The following CCDC27 variants were observed in gnomAD, a reference collection of about 807,000 sequenced individuals.
CCDC27 encodes coiled-coil domain-containing protein 27.
In CCDC27, 80 loss-of-function variants were observed where a neutral mutation model predicts 80.3. The ratio of observed to expected loss-of-function variants is 1.00; its 90% CI spans 0.83 to 1.20. The LOEUF is 1.20. Among genes scored for constraint, CCDC27 ranks in the 50% most tolerant of loss-of-function variants. The probability of loss-of-function intolerance (pLI) is 0.00; values close to 1 mark genes in which losing one functional copy is unlikely to be tolerated. For synonymous variants in CCDC27, 342 were observed against 334.3 expected, an observed-to-expected ratio of 1.02 and a Z score of -0.25; for missense variants, 815 against 809.4, an observed-to-expected ratio of 1.01 and a Z score of -0.08.
rs963821561 is a variant in CCDC27 at position 3,760,464 on chromosome 1, T to C, written c.712-817T>C. 1.5e-4 allele frequency among the ~76,000 whole-genome samples: 23 copies of C among 152,306 alleles called. 2 individuals carry two copies. The highest frequency in any genetic ancestry group is 1.5e-3 in the Admixed American group (23 of 15,286). On this transcript the variant is annotated intron_variant, in intron 4 of 11. Transcript: ENST00000294600. The surrounding 1 kb of genome is among the most constrained non-coding windows in gnomAD (Gnocchi z 4.3). ...TGAACTCTTGAGATAGATACTTGGG[T>C]CATGATTTTCCATTTCCCTCCTGGT...
intron 4 of CCDC27, among the ~76,000 whole-genome samples, chr1:3,758,388 A>G (rs941316907): frequency 6.6e-6 from 1 of 151,600 alleles, no homozygotes; most frequent in African/African-American, 2.4e-5. Flanking sequence ...GGGTTTCACC[A>G]TGTCAGACAG....
rs1343281700 is a variant in CCDC27, at chr1:3,767,414, C to T, written c.1712C>T (p.Thr571Ile). The T allele has an allele frequency of 6.2e-7, 1 of 1,613,336 alleles. No individual in the cohort carries two copies. Among genetic ancestry groups the T allele is most frequent in the Admixed American group, 1.7e-5 (1 of 60,010 alleles). ...ATGATTCAGCAGGCAGAGCAGCACA[C>T]CCGCGTGGCCCTGGAGAGCTCCCAG... The part of the protein sequence containing the change: ...KEMIQQAEQH[T>I]RVALESSQSR... Residue 571 changes from threonine to isoleucine, a missense_variant, in exon 10 of 12, where the codon ACC becomes ATC. Thr to Ile is a moderately conservative substitution (Grantham distance 89, BLOSUM62 -1). Transcript: ENST00000294600.
In CCDC27 at chr1:3,761,212, T is replaced by C; in HGVS notation, c.712-69T>C. The C allele has an allele frequency of 6.4e-7, 1 of 1,565,530 alleles. No individual in the cohort carries two copies. The highest frequency in any genetic ancestry group is 2.3e-5 in the East Asian group (1 of 44,412). On this transcript the variant is annotated intron_variant, in intron 4 of 11. Coordinates refer to ENST00000294600, the MANE Select transcript of CCDC27 (RefSeq NM_152492.3). The surrounding 1 kb of genome is among the most constrained non-coding windows in gnomAD (Gnocchi z 5.0). ...GCAGATCTGCTCCTCCTGGGTGGGC[T>C]GGAGGCAGGTCAGGGGAAGAGTGTG...
chr1:3,759,847 G>C (rs547870072), intron 4 of CCDC27, among the ~76,000 whole-genome samples: 1 of 152,192 alleles, frequency 6.6e-6, no homozygotes, highest in Non-Finnish European at 1.5e-5. Flanking sequence ...CATTAGCCAA[G>C]AGTCAGGCAG....
At chr1:3,770,536 C>T (rs534875738) in intron 11 of CCDC27, among the ~76,000 whole-genome samples, 21 of 152,256 alleles carry the variant, frequency 1.4e-4, no homozygotes, top group Non-Finnish European at 2.9e-4. Flanking sequence ...GCTCTGGGAG[C>T]CGGGCACCGG....
At position 3,763,713 on chromosome 1, in the gene CCDC27, T is replaced by C; in HGVS notation, c.1329T>C (p.Ile443=). 1.2e-6 allele frequency: 2 copies of C among 1,614,108 alleles called. No homozygotes were observed. The highest frequency in any genetic ancestry group is 1.7e-6 in the Non-Finnish European group (2 of 1,179,990). The change falls in exon 8 of 12, where the codon ATT becomes ATC. Residue 443 remains isoleucine, a synonymous_variant. Transcript: ENST00000294600. This position sits in a 1 kb window ranked among gnomAD's most constrained non-coding sequence, Gnocchi z 7.5. ...RTRYSLATGV[I]ASLQQQVDFQ... is the part of the protein sequence containing the mutation. ...CTCTGCCTCTGTGCCCAGGAGTGAT[T>C]GCGTCTTTACAACAACAAGTGGATT...
chr1:3,753,802 C>CG (rs1190982150), intron 1 of CCDC27, among the ~76,000 whole-genome samples: 2 of 151,916 alleles, frequency 1.3e-5, no homozygotes, highest in Non-Finnish European at 2.9e-5. Context: ...TGGGTGGGGT[C>CG]GGGGGGCCTG....
intron 6 of CCDC27, 40 bp downstream of exon 6, chr1:3,762,752 C>T (rs373335569): frequency 4.9e-5 from 74 of 1,522,136 alleles, no homozygotes; most frequent in Non-Finnish European, 6.0e-5. Context: ...GTGGGGGACC[C>T]GGGCCCAGGA....
At chr1:3,767,981 C>A (rs1374589715) in intron 10 of CCDC27, among the ~76,000 whole-genome samples, 1 of 152,088 alleles carries the variant, frequency 6.6e-6, no homozygotes, top group South Asian at 2.1e-4. Flanking sequence ...ATTTGGCAGT[C>A]TCAACTGCAG....
At chr1:3,762,374 C>A (rs1643109212) in intron 5 of CCDC27, among the ~76,000 whole-genome samples, 1 of 152,190 alleles carries the variant, frequency 6.6e-6, no homozygotes, top group South Asian at 2.1e-4. Context: ...TCCTTTACTG[C>A]AAGGCCACTT....
rs756422443 is a variant in CCDC27 at position 3,769,918 on chromosome 1, G to A, written c.1848+31G>A. 30 of 1,550,242 alleles carry A rather than the reference G, an allele frequency of 1.9e-5. No individual in the cohort carries two copies. In the Admixed American group the frequency reaches 2.7e-4, roughly 14 times the overall value. On this transcript the variant is annotated intron_variant, in intron 11 of 11. Transcript: ENST00000294600. The surrounding 1 kb of genome is among the most constrained non-coding windows in gnomAD (Gnocchi z 4.6). ...CCCCTAAGCTCAGCTGCCTCTATCC[G>A]GGCCCCAGACCCCCAGGCCAGAGCT... is the stretch of plus-strand genomic sequence containing the variant.
chr1:3,763,116 G>C lies in CCDC27; in HGVS notation c.963G>C (p.Glu321Asp). The change falls in exon 7 of 12, where the codon GAG becomes GAC. Residue 321 changes from glutamate (E) to aspartate (D), a missense_variant. Glu to Asp is a conservative substitution (Grantham distance 45). Transcript: ENST00000294600. This position sits in a 1 kb window ranked among gnomAD's most constrained non-coding sequence, Gnocchi z 7.5. ...EELQHWWQMQ[E>D]ESAAPERGKE... Reference sequence around the variant, plus strand: ...CCCTACCCATCTTACAGATGCAGGAGGAGTCTGCGGCACCGGAGAGGGGCA... The same window carrying C: ...CCCTACCCATCTTACAGATGCAGGACGAGTCTGCGGCACCGGAGAGGGGCA... 1 of 1,475,652 alleles carries C rather than the reference G, an allele frequency of 6.8e-7. No individual in the cohort carries two copies. The highest frequency in any genetic ancestry group is 9.0e-7 in the Non-Finnish European group (1 of 1,112,882). The allele number at this position is 1,475,652 out of a possible 1,614,324, so 91.4% of individuals were successfully genotyped here.
At chr1:3,770,421 C>T (rs1245364570) in intron 11 of CCDC27, among the ~76,000 whole-genome samples, 1 of 152,176 alleles carries the variant, frequency 6.6e-6, no homozygotes, top group African/African-American at 2.4e-5. Flanking sequence ...ATGAGGGGGT[C>T]ACCACCCACC....
chr1:3,764,068 C>T (rs1452753199), intron 8 of CCDC27, among the ~76,000 whole-genome samples: 1 of 152,176 alleles, frequency 6.6e-6, no homozygotes, highest in African/African-American at 2.4e-5. Flanking sequence ...CTGCCCTGTC[C>T]CTGGGCTGGA....
At position 3,761,242 on chromosome 1, in the gene CCDC27, T is replaced by G; in HGVS notation, c.712-39T>G. On this transcript the variant is annotated intron_variant, in intron 4 of 11. Transcript: ENST00000294600. The surrounding 1 kb of genome is among the most constrained non-coding windows in gnomAD (Gnocchi z 5.0). ...GCAGGTCAGGGGAAGAGTGTGTGGC[T>G]GCATGGCCCACGGGGGCTGCCCTTG... is the stretch of plus-strand genomic sequence containing the variant. 1 of 1,604,484 alleles carries G rather than the reference T, an allele frequency of 6.2e-7. No homozygotes were observed. Among genetic ancestry groups the G allele is most frequent in the Non-Finnish European group, 8.5e-7 (1 of 1,174,724 alleles).
At chr1:3,756,452 C>G (rs1414067050) in intron 3 of CCDC27, 2 of 302,276 alleles carry the variant, frequency 6.6e-6, no homozygotes, top group East Asian at 1.5e-4. Flanking sequence ...CTCCCAGCTC[C>G]GGCTCGTTTG....
intron 8 of CCDC27, among the ~76,000 whole-genome samples, chr1:3,764,046 C>G (rs966422076): frequency 1.3e-5 from 2 of 152,168 alleles, no homozygotes; most frequent in African/African-American, 4.8e-5. Context: ...GCCCATGTGC[C>G]CAGCCACAGC....
chr1:3,765,084 A>G (rs761242093), intron 8 of CCDC27, among the ~76,000 whole-genome samples: 1 of 151,202 alleles, frequency 6.6e-6, no homozygotes, highest in Non-Finnish European at 1.5e-5. Context: ...TGGGGACAGG[A>G]TATGTTGGCA....
chr1:3,763,114 G>A lies in CCDC27; in HGVS notation c.961G>A (p.Glu321Lys). 6.8e-7 allele frequency: 1 copy of A among 1,475,442 alleles called. No individual in the cohort carries two copies. The highest frequency in any genetic ancestry group is 9.0e-7 in the Non-Finnish European group (1 of 1,112,756). 91.4% of individuals were successfully genotyped at this position (1,475,442 alleles called of 1,614,324 possible). ...TGCCCTACCCATCTTACAGATGCAG[G>A]AGGAGTCTGCGGCACCGGAGAGGGG... ...EELQHWWQMQ[E>K]ESAAPERGKE... Residue 321 changes from glutamate (E) to lysine (K), a missense_variant, in exon 7 of 12, where the codon GAG (glutamate) becomes AAG (lysine). By Grantham distance (56) the Glu-to-Lys change is moderately conservative (BLOSUM62 1). Transcript: ENST00000294600. This position sits in a 1 kb window ranked among gnomAD's most constrained non-coding sequence, Gnocchi z 7.5.
Sources: gnomAD v4.1 joint callset for allele counts (sites outside exome capture counted in the v4.1 genomes callset) on GRCh38, gnomAD v4.1.1 for gene constraint, Gnocchi (gnomAD v3.1) non-coding constraint, MANE v1.5 for transcripts, NCBI Gene and HGNC (gene_info 2026-07-23, HGNC 2026-07-21) for gene names.